CHSY1: variants seen among roughly 807,000 people sequenced by gnomAD.
The protein encoded by CHSY1 is chondroitin sulfate synthase 1.
In CHSY1, 13 loss-of-function variants were observed where a neutral mutation model predicts 59.8. The ratio of observed to expected loss-of-function variants is 0.22; its 90% CI spans 0.14 to 0.35. The LOEUF (loss-of-function observed/expected upper bound fraction) is 0.35, where lower values mean the gene tolerates loss of function less well. CHSY1 is among the 10% of genes least tolerant of loss of function. CHSY1 has a pLI of 1.00. For synonymous variants in CHSY1, 459 were observed against 401.2 expected (o/e 1.14, Z -1.72); for missense variants, 947 against 1,030.6 (o/e 0.92, Z 1.11).
chr15:101,197,994 C>T (rs2045163), intron 2 of CHSY1, among the ~76,000 whole-genome samples: 102,831 of 151,984 alleles, frequency 0.68, 35,976 homozygotes, highest in East Asian at 0.87. Flanking sequence ...GTTTCCGTCA[C>T]GTCGCACAGA....
intron 2 of CHSY1, among the ~76,000 whole-genome samples, chr15:101,206,009 T>C (rs1410033499): frequency 2.0e-5 from 3 of 151,906 alleles, no homozygotes; most frequent in Non-Finnish European, 4.4e-5. Flanking sequence ...CCTGGTATGG[T>C]AGTGTTTTCT....
At chr15:101,180,338 A>C (rs1596421606) in intron 2 of CHSY1, among the ~76,000 whole-genome samples, 1 of 152,286 alleles carries the variant, frequency 6.6e-6, no homozygotes, top group South Asian at 2.1e-4. Flanking sequence ...GGTCCTCCAA[A>C]GTGCCGCCGC....
rs771456309 is a variant in CHSY1, at chr15:101,178,944, T to G, written c.853A>C (p.Lys285Gln). ...TGGAGATCTCTAATGTACCCCTTTT[T>G]GTTCTGCTCGTAATTCTCATAAAAA... ...QLFYENYEQN[K>Q]KGYIRDLHNS... Residue 285 changes from lysine (K) to glutamine (Q), a missense_variant, in exon 3 of 3, where the codon AAA (lysine) becomes CAA (glutamine). Physicochemically the swap from Lys to Gln is moderately conservative, Grantham distance 53. Coordinates refer to ENST00000254190, the MANE Select transcript of CHSY1 (RefSeq NM_014918.5). The G allele has an allele frequency of 1.9e-6, 3 of 1,614,168 alleles. No individual in the cohort carries two copies. The highest frequency in any genetic ancestry group is 3.3e-5 in the Admixed American group (2 of 60,024).
At chr15:101,185,554 TC>T (rs1353409155) in intron 2 of CHSY1, among the ~76,000 whole-genome samples, 1 of 150,704 alleles carries the variant, frequency 6.6e-6, no homozygotes, top group Non-Finnish European at 1.5e-5. Context: ...GCACCCTCCA[TC>T]CCCCTTCCCC....
At chr15:101,206,656 TATTA>T (rs1464473371) in intron 2 of CHSY1, among the ~76,000 whole-genome samples, 3 of 152,258 alleles carry the variant, frequency 2.0e-5, no homozygotes, top group African/African-American at 4.8e-5. Flanking sequence ...CAGTGTTAGA[TATTA>T]ATTAATAGGC....
intron 2 of CHSY1, among the ~76,000 whole-genome samples, chr15:101,217,940 C>A (rs1053200023): frequency 2.6e-5 from 4 of 152,196 alleles, no homozygotes; most frequent in Non-Finnish European, 5.9e-5. Context: ...CAGACACTCC[C>A]TTCAGTCAAG....
chr15:101,228,068 C>A (rs77769672), intron 2 of CHSY1, among the ~76,000 whole-genome samples: 8,893 of 151,558 alleles, frequency 0.059, 710 homozygotes, highest in African/African-American at 0.18. Context: ...GCCAATACGG[C>A]GACAGAAATT....
intron 1 of CHSY1, among the ~76,000 whole-genome samples, chr15:101,244,459 A>G (rs11247277): frequency 0.41 from 62,983 of 152,136 alleles, 14,921 homozygotes; most frequent in African/African-American, 0.66. Context: ...GGACCTCCAC[A>G]CCAGCAGCCT....
intron 2 of CHSY1, among the ~76,000 whole-genome samples, chr15:101,179,332 ACC>A (rs1388101740): frequency 6.6e-6 from 1 of 152,196 alleles, no homozygotes; most frequent in Non-Finnish European, 1.5e-5. Flanking sequence ...TGTGAAAGGG[ACC>A]CACAGAGTCA....
Position 101,178,273 on chromosome 15 carries a change from T to G in CHSY1, c.1524A>C (p.Ser508=). The G allele has an allele frequency of 6.2e-7, 1 of 1,613,346 alleles. No individual in the cohort carries two copies. The highest frequency in any genetic ancestry group is 8.5e-7 in the Non-Finnish European group (1 of 1,179,288). The change falls in exon 3 of 3, where the codon TCA becomes TCC. Residue 508 remains serine, a synonymous_variant. Transcript: ENST00000254190. ...AGGGGACGAGCTTCTTCAGGGAGTTTGAGAGAAAGGACAAGGATCCAGATT... is the reference window on the plus strand; with the variant it reads ...AGGGGACGAGCTTCTTCAGGGAGTTGGAGAGAAAGGACAAGGATCCAGATT... The part of the protein sequence containing the change: ...NQESGSLSFL[S]NSLKKLVPFQ...
chr15:101,251,133 TCAC>T lies in CHSY1; in HGVS notation c.320+1_320+3del. On this transcript the variant is annotated splice_donor_variant and splice_donor_region_variant and intron_variant, in intron 1 of 2. Coordinates refer to ENST00000254190, the MANE Select transcript of CHSY1 (RefSeq NM_014918.5). LOFTEE classifies it high-confidence loss of function. ...GAGGCGGTGCCCGGGGAGCAGGGGC[TCAC>T]CTGTAGGCGGCCACGGCCCGAGTCT... 1 of 1,577,260 alleles carries T rather than the reference TCAC, an allele frequency of 6.3e-7. No individual in the cohort carries two copies. Among genetic ancestry groups the T allele is most frequent in the Non-Finnish European group, 8.6e-7 (1 of 1,166,166 alleles).
chr15:101,237,762 T>C (rs1281053376), intron 1 of CHSY1, among the ~76,000 whole-genome samples: 1 of 152,260 alleles, frequency 6.6e-6, no homozygotes, highest in Non-Finnish European at 1.5e-5. Flanking sequence ...CTAAAGTTGT[T>C]TGGCTATAAT....
At chr15:101,230,617 A>G (rs1316994095) in intron 2 of CHSY1, among the ~76,000 whole-genome samples, 1 of 152,212 alleles carries the variant, frequency 6.6e-6, no homozygotes, top group African/African-American at 2.4e-5. Flanking sequence ...CTTCTGGTAT[A>G]TGGATGTTCA....
At chr15:101,236,946 G>A (rs997313833) in intron 1 of CHSY1, among the ~76,000 whole-genome samples, 2 of 151,450 alleles carry the variant, frequency 1.3e-5, no homozygotes, top group Non-Finnish European at 2.9e-5. Context: ...GTGGCCGGGG[G>A]CAGTGGCTCA....
intron 1 of CHSY1, among the ~76,000 whole-genome samples, chr15:101,244,055 A>G (rs1006034289): frequency 6.6e-6 from 1 of 152,234 alleles, no homozygotes; most frequent in Non-Finnish European, 1.5e-5. Flanking sequence ...AATCATCCAG[A>G]AAATGTATTT....
At chr15:101,231,651 C>T (rs78087200) in intron 2 of CHSY1, among the ~76,000 whole-genome samples, 2,703 of 152,310 alleles carry the variant, frequency 0.018, 88 homozygotes, top group South Asian at 0.12. Context: ...TGGTTGCCTG[C>T]GTGCAGTCTG....
chr15:101,212,201 T>TA (rs1165186363), intron 2 of CHSY1, among the ~76,000 whole-genome samples: 1 of 152,176 alleles, frequency 6.6e-6, no homozygotes, highest in African/African-American at 2.4e-5. Flanking sequence ...AGAACTCTCA[T>TA]ACGGTGCTGT....
At position 101,220,976 on chromosome 15, in the gene CHSY1, C is replaced by T. The variant is rs550249140; in HGVS notation, c.816+14106G>A. Among the ~76,000 whole-genome samples, 11 of 152,306 alleles carry T rather than the reference C, an allele frequency of 7.2e-5. 1 individual carries two copies. The East Asian group carries it at 9.7e-4, about 13-fold the overall frequency. On this transcript the variant is annotated intron_variant, in intron 2 of 2. Transcript: ENST00000254190. Reference sequence around the variant, plus strand: ...ATTGCTTCAGACTCAGTGCCACCTGCGAGCAGCCCTGTCCCTCCATCAGTC... The same window carrying T: ...ATTGCTTCAGACTCAGTGCCACCTGTGAGCAGCCCTGTCCCTCCATCAGTC...
At chr15:101,248,045 TG>T (rs1463995038) in intron 1 of CHSY1, among the ~76,000 whole-genome samples, 6 of 152,210 alleles carry the variant, frequency 3.9e-5, no homozygotes, top group African/African-American at 1.2e-4. Context: ...GTTGTTTTTT[TG>T]TTTTTTTTAA....
Sources: gnomAD v4.1 joint callset for allele counts (sites outside exome capture counted in the v4.1 genomes callset) on GRCh38, gnomAD v4.1.1 for gene constraint, MANE v1.5 for transcripts, NCBI Gene and HGNC (gene_info 2026-07-23, HGNC 2026-07-21) for gene names.